The following PNLIPRP3 variants were observed in gnomAD, a reference collection of about 807,000 sequenced individuals.
PNLIPRP3 encodes the protein pancreatic lipase related protein 3, also known as pancreatic lipase-related protein 3.
In PNLIPRP3, 58 loss-of-function variants were observed where a neutral mutation model predicts 52.8. The observed-to-expected ratio is 1.10, with a 90% confidence interval of 0.89 to 1.37. The LOEUF is 1.37. Among genes scored for constraint, PNLIPRP3 ranks in the 40% most tolerant of loss-of-function variants. The probability of loss-of-function intolerance (pLI) is 0.00; values close to 1 mark genes in which losing one functional copy is unlikely to be tolerated. For missense variants in PNLIPRP3, 593 were observed against 561.6 expected (o/e 1.06, Z -0.57); for synonymous variants, 192 against 185.0 (o/e 1.04, Z -0.31).
intron 7 of PNLIPRP3, among the ~76,000 whole-genome samples, chr10:116,463,609 G>T (rs1846231615): frequency 6.6e-6 from 1 of 152,108 alleles, no homozygotes; most frequent in Non-Finnish European, 1.5e-5. Flanking sequence ...GCCTGTAATG[G>T]GGCAGGGGTA....
chr10:116,474,121 G>C (rs1055863258), intron 10 of PNLIPRP3, among the ~76,000 whole-genome samples: 1 of 152,038 alleles, frequency 6.6e-6, no homozygotes, highest in Non-Finnish European at 1.5e-5. Flanking sequence ...ATAGAGAATA[G>C]AGAATCCAGA....
At position 116,470,099 on chromosome 10, in the gene PNLIPRP3, G is replaced by T. The variant is rs1325250272; in HGVS notation, c.1060+782G>T. Among the ~76,000 whole-genome samples the T allele has an allele frequency of 2.0e-5, 3 of 152,240 alleles. No homozygotes were observed. The East Asian group carries it at 5.8e-4, about 29-fold the overall frequency. ...GTCAAGGACAATTCTGGCTGTGGAT[G>T]AGCTGTCATTCTCTGAGCTTGACGA... On this transcript the variant is annotated intron_variant, in intron 9 of 11. Transcript: ENST00000369230.
intron 2 of PNLIPRP3, among the ~76,000 whole-genome samples, chr10:116,437,516 GAGA>G (rs1166841186): frequency 1.3e-5 from 2 of 152,210 alleles, no homozygotes; most frequent in Non-Finnish European, 2.9e-5. Context: ...TCTGTGGGCA[GAGA>G]AGGAGTCTTC....
intron 7 of PNLIPRP3, among the ~76,000 whole-genome samples, chr10:116,464,376 C>T (rs1168254464): frequency 6.6e-6 from 1 of 152,180 alleles, no homozygotes; most frequent in African/African-American, 2.4e-5. Flanking sequence ...CAGCCAGAGA[C>T]CTCCACAGCC....
intron 4 of PNLIPRP3, among the ~76,000 whole-genome samples, chr10:116,452,958 G>T (rs1846060219): frequency 6.6e-6 from 1 of 152,228 alleles, no homozygotes; most frequent in South Asian, 2.1e-4. Flanking sequence ...GTGGGAAGGG[G>T]CTCCTGCCCT....
At chr10:116,438,840 G>C (rs560118759) in intron 2 of PNLIPRP3, among the ~76,000 whole-genome samples, 1 of 152,118 alleles carries the variant, frequency 6.6e-6, no homozygotes, top group African/African-American at 2.4e-5. Context: ...CACTTATAAA[G>C]AAACATTCCT....
chr10:116,445,736 T>C (rs1187685396), intron 4 of PNLIPRP3, among the ~76,000 whole-genome samples: 37 of 152,286 alleles, frequency 2.4e-4, no homozygotes, highest in Admixed American at 6.5e-5. Context: ...TTGAATTGAA[T>C]AGGCAGCCTT....
intron 7 of PNLIPRP3, among the ~76,000 whole-genome samples, chr10:116,463,139 C>T (rs948242834): frequency 3.3e-5 from 5 of 152,160 alleles, no homozygotes; most frequent in South Asian, 2.1e-4. Context: ...TCTGTGCTGA[C>T]GATATTACAT....
intron 1 of PNLIPRP3, 118 bp from the exon 2 acceptor site, chr10:116,436,593 C>CA: frequency 9.5e-7 from 1 of 1,053,842 alleles, no homozygotes; most frequent in Non-Finnish European, 1.3e-6. Context: ...ATTTTCAAGC[C>CA]ATAAATCCAA....
chr10:116,471,767 G>A lies in PNLIPRP3; in HGVS notation c.1061-1G>A. ...TTTCCTTCTTGTTTCCTTATATCTA[G>A]GTTGGAGGCACAAATTGTCTGTTAA... On this transcript the variant is annotated splice_acceptor_variant, in intron 9 of 11. Coordinates refer to ENST00000369230, the MANE Select transcript of PNLIPRP3 (RefSeq NM_001011709.3). LOFTEE classifies it high-confidence loss of function. 6.3e-7 allele frequency: 1 copy of A among 1,594,978 alleles called. No individual in the cohort carries two copies. The highest frequency in any genetic ancestry group is 8.6e-7 in the Non-Finnish European group (1 of 1,163,558).
chr10:116,444,929 T>C (rs1845922152), intron 4 of PNLIPRP3, among the ~76,000 whole-genome samples: 1 of 152,362 alleles, frequency 6.6e-6, no homozygotes, highest in East Asian at 1.9e-4. Flanking sequence ...GTTAGGTCTG[T>C]AGGCCAGTCC....
At chr10:116,439,042 T>C (rs1845820308) in intron 2 of PNLIPRP3, among the ~76,000 whole-genome samples, 1 of 152,120 alleles carries the variant, frequency 6.6e-6, no homozygotes, top group East Asian at 1.9e-4. Context: ...TAATGGAGAG[T>C]TCCTGTTTAA....
intron 10 of PNLIPRP3, among the ~76,000 whole-genome samples, chr10:116,472,685 A>C (rs1827649472): frequency 6.6e-6 from 1 of 152,188 alleles, no homozygotes; most frequent in Admixed American, 6.5e-5. Flanking sequence ...CTGCCTGTAA[A>C]TATAAGCTCA....
chr10:116,463,140 G>A (rs1209093177), intron 7 of PNLIPRP3, among the ~76,000 whole-genome samples: 1 of 152,154 alleles, frequency 6.6e-6, no homozygotes, highest in Non-Finnish European at 1.5e-5. Flanking sequence ...CTGTGCTGAC[G>A]ATATTACATT....
intron 10 of PNLIPRP3, among the ~76,000 whole-genome samples, chr10:116,475,608 A>C (rs948501619): frequency 4.6e-5 from 7 of 152,230 alleles, no homozygotes; most frequent in African/African-American, 1.7e-4. Flanking sequence ...GTAATATAAT[A>C]AGACAGACCC....
chr10:116,458,571 A>G lies in PNLIPRP3; in HGVS notation c.566-2395A>G, dbSNP rs574012735. On this transcript the variant is annotated intron_variant, in intron 5 of 11. Transcript: ENST00000369230. ...TTATTAGAAAGTTGTGTGTAATCAC[A>G]CTAGTAAAATAAAAATTCTTCCAAG... Among the ~76,000 whole-genome samples the G allele has an allele frequency of 1.3e-3, 201 of 152,126 alleles. 1 individual carries two copies. Among genetic ancestry groups the G allele is most frequent in the African/African-American group, 4.7e-3 (193 of 41,492 alleles).
intron 3 of PNLIPRP3, among the ~76,000 whole-genome samples, chr10:116,443,633 A>G (rs1214000168): frequency 1.7e-3 from 4 of 2,346 alleles, no homozygotes; most frequent in Non-Finnish European, 5.7e-3. Flanking sequence ...TATATAACAC[A>G]TATATATAAC....
rs1845660939 is a variant in PNLIPRP3 at position 116,427,986 on chromosome 10, T to G, written c.-27T>G. The G allele has an allele frequency of 6.3e-7, 1 of 1,586,496 alleles. No individual in the cohort carries two copies. The highest frequency in any genetic ancestry group is 1.3e-5 in the African/African-American group (1 of 74,230). On this transcript the variant is annotated 5_prime_UTR_variant, in exon 1 of 12. Coordinates refer to ENST00000369230, the MANE Select transcript of PNLIPRP3 (RefSeq NM_001011709.3). ...ACAAGTAAAGATCTTCAAGAAGATT[T>G]TTATGTGATTTAAAAAATCAGCTTA...
chr10:116,436,567 T>C, intron 1 of PNLIPRP3, 144 bp from the exon 2 acceptor site: 1 of 853,608 alleles, frequency 1.2e-6, no homozygotes, highest in South Asian at 2.7e-5. Context: ...GGCAACCCTA[T>C]AGAATAGGAG....
Sources: allele counts gnomAD v4.1 joint callset (sites outside exome capture counted in the v4.1 genomes callset), GRCh38; gene constraint gnomAD v4.1.1; transcripts MANE v1.5; gene names NCBI Gene and HGNC (gene_info 2026-07-23, HGNC 2026-07-21).